Variants in ABHD1 observed in about 807,000 individuals in gnomAD.
The protein encoded by ABHD1 is abhydrolase domain containing 1.
A neutral mutation model predicts 41.4 loss-of-function variants in ABHD1; 47 were observed. That is an observed-to-expected ratio of 1.13 (90% CI 0.90 to 1.45). ABHD1 has a LOEUF of 1.45. Among genes scored for constraint, ABHD1 ranks in the 40% most tolerant of loss-of-function variants. ABHD1 has a pLI of 0.00. For synonymous variants in ABHD1, 205 were observed against 203.7 expected (o/e 1.01, Z -0.05); for missense variants, 550 against 503.4 (o/e 1.09, Z -0.89).
rs933746527 is a variant in ABHD1, at chr2:27,130,782, T to C, written c.*38T>C. 4.7e-5 allele frequency: 75 copies of C among 1,595,534 alleles called. No homozygotes were observed. Among genetic ancestry groups the C allele is most frequent in the Non-Finnish European group, 6.2e-5 (72 of 1,164,346 alleles). ...TTGGGGTCTCAGTTCACTCTTTCCT[T>C]GTTTATTAAATATCAACTTTTCCTG... On this transcript the variant is annotated 3_prime_UTR_variant, in exon 9 of 9. Coordinates refer to ENST00000316470, the MANE Select transcript of ABHD1 (RefSeq NM_032604.4).
At position 27,123,904 on chromosome 2, in the gene ABHD1, C is replaced by G. The variant is rs200272895; in HGVS notation, c.-45C>G. The G allele has an allele frequency of 6.9e-4, 1,081 of 1,567,834 alleles. 2 individuals carry two copies. Among genetic ancestry groups the G allele is most frequent in the Non-Finnish European group, 7.4e-4 (846 of 1,141,394 alleles). Reference sequence around the variant, plus strand: ...GGGACCGCGAGTTACAGCCGGCCAACTGGGGCCAGCCAGGAGCCTGAGGGT... The same window carrying G: ...GGGACCGCGAGTTACAGCCGGCCAAGTGGGGCCAGCCAGGAGCCTGAGGGT... On this transcript the variant is annotated 5_prime_UTR_variant, in exon 1 of 9. Transcript: ENST00000316470.
At chr2:27,130,458 G>A (rs1367798686) in intron 8 of ABHD1, 42 bp downstream of exon 8, 2 of 1,612,658 alleles carry the variant, frequency 1.2e-6, no homozygotes, top group East Asian at 2.2e-5. Flanking sequence ...CAAGGAAAAT[G>A]GGCCATGAGG....
chr2:27,129,036 C>G lies in ABHD1; in HGVS notation c.367C>G (p.Pro123Ala). ...CCAAGACCCTGATCCTACTACCCAG[C>G]CCATTGTGCTGCTGCTTCCTGGCAT... ...SSQDPDPTTQ[P>A]IVLLLPGITG... Residue 123 changes from proline (P) to alanine (A), a missense_variant, in exon 3 of 9, where the codon CCC becomes GCC. Pro to Ala is a conservative substitution (Grantham distance 27). Coordinates refer to ENST00000316470, the MANE Select transcript of ABHD1 (RefSeq NM_032604.4). The G allele has an allele frequency of 7.4e-6, 12 of 1,614,160 alleles. No individual in the cohort carries two copies. The highest frequency in any genetic ancestry group is 1.0e-5 in the Non-Finnish European group (12 of 1,180,026).
At position 27,130,738 on chromosome 2, in the gene ABHD1, C is replaced by T. The variant is rs763148217; in HGVS notation, c.1212C>T (p.Asn404=). 27 of 1,613,890 alleles carry T rather than the reference C, an allele frequency of 1.7e-5. No homozygotes were observed. The highest frequency in any genetic ancestry group is 9.3e-6 in the Non-Finnish European group (11 of 1,179,902). ...LRALLPSEDR[N]S ...CTCTCTTACCTTCTGAGGACAGAAACAGCTGACAAGAGTACCATTTGGGGT... is the reference window on the plus strand; with the variant it reads ...CTCTCTTACCTTCTGAGGACAGAAATAGCTGACAAGAGTACCATTTGGGGT... The change falls in exon 9 of 9, where the codon AAC becomes AAT. Residue 404 remains asparagine, a synonymous_variant. Transcript: ENST00000316470.
intron 6 of ABHD1, 39 bp from the exon 7 acceptor site, chr2:27,130,066 G>C: frequency 6.2e-7 from 1 of 1,613,850 alleles, no homozygotes; most frequent in South Asian, 1.1e-5. Flanking sequence ...TGGGGGATCA[G>C]ATCCAGGTGT....
At chr2:27,128,359 C>T (rs986799701) in intron 1 of ABHD1, 82 bp from the exon 2 acceptor site, 2 of 1,587,200 alleles carry the variant, frequency 1.3e-6, no homozygotes, top group Non-Finnish European at 1.7e-6. Flanking sequence ...GGAGAGGGGG[C>T]CCCCTCACCC....
rs556741673 is a variant in ABHD1, at chr2:27,129,518, A to G, written c.509A>G (p.His170Arg). 78 of 1,614,136 alleles carry G rather than the reference A, an allele frequency of 4.8e-5. No homozygotes were observed. In the South Asian group the frequency reaches 5.1e-4, roughly 10 times the overall value. ...RGCRGEELRT[H>R]RAFCASNTED... ...AATGATCTGGTTTGCCCTCAGACCC[A>G]CAGGGCTTTTTGTGCCAGCAATACT... The change falls in exon 5 of 9, where the codon CAC (histidine) becomes CGC (arginine). Residue 170 changes from histidine (H) to arginine (R), a missense_variant. Coordinates refer to ENST00000316470, the MANE Select transcript of ABHD1 (RefSeq NM_032604.4).
At chr2:27,127,479 G>A (rs1419659092) in intron 1 of ABHD1, among the ~76,000 whole-genome samples, 24 of 142,474 alleles carry the variant, frequency 1.7e-4, no homozygotes, top group Admixed American at 6.9e-5. Context: ...GCGTGAACCC[G>A]GGAGGTGGAG....
intron 1 of ABHD1, among the ~76,000 whole-genome samples, chr2:27,127,330 G>A (rs1316966763): frequency 2.1e-5 from 3 of 146,128 alleles, no homozygotes; most frequent in African/African-American, 2.5e-5. Context: ...CGAGGCGGGC[G>A]GATCATGAGG....
rs1558476423 is a variant in ABHD1, at chr2:27,130,310, C to T, written c.900C>T (p.Asp300=). The change falls in exon 8 of 9, where the codon GAC becomes GAT. Residue 300 remains aspartate, a synonymous_variant. Coordinates refer to ENST00000316470, the MANE Select transcript of ABHD1 (RefSeq NM_032604.4). ...RYTSVAFGYQ[D]CVTYYKAASP... is the part of the protein sequence containing the mutation. ...CATCTGTGGCCTTTGGATATCAAGACTGTGTTACCTACTACAAAGCAGCAA... is the reference window on the plus strand; with the variant it reads ...CATCTGTGGCCTTTGGATATCAAGATTGTGTTACCTACTACAAAGCAGCAA... 1.9e-6 allele frequency: 3 copies of T among 1,614,180 alleles called. No homozygotes were observed. In the South Asian group the frequency reaches 3.3e-5, roughly 18 times the overall value.
In ABHD1 at chr2:27,128,443, G is replaced by A; in HGVS notation, c.117G>A (p.Arg39=). 2 of 1,613,928 alleles carry A rather than the reference G, an allele frequency of 1.2e-6. No individual in the cohort carries two copies. The highest frequency in any genetic ancestry group is 2.2e-5 in the South Asian group (2 of 91,080). The change falls in exon 2 of 9, where the codon AGG becomes AGA. Residue 39 remains arginine (R), a splice_region_variant and synonymous_variant. Transcript: ENST00000316470. ...GGCAGACTGCTGTGTGATTACAGAG[G>A]CCTCGGCTGGTGGCTGGGCCGCAGT... ...LGYYWACVLQ[R]PRLVAGPQFL...
chr2:27,127,205 C>CAGTCTT (rs928601691), intron 1 of ABHD1, among the ~76,000 whole-genome samples: 1 of 144,146 alleles, frequency 6.9e-6, no homozygotes, highest in Non-Finnish European at 1.5e-5. Context: ...TGGCCAGAGT[C>CAGTCTT]AGTCTTAGGA....
chr2:27,128,983 T>C lies in ABHD1; in HGVS notation c.314T>C (p.Leu105Pro), dbSNP rs757800730. The C allele has an allele frequency of 5.6e-6, 9 of 1,614,044 alleles. No individual in the cohort carries two copies. Among genetic ancestry groups the C allele is most frequent in the Middle Eastern group, 1.6e-4 (1 of 6,080 alleles). Residue 105 changes from leucine to proline, a missense_variant, in exon 3 of 9, where the codon CTA (leucine) becomes CCA (proline). Coordinates refer to ENST00000316470, the MANE Select transcript of ABHD1 (RefSeq NM_032604.4). Reference sequence around the variant, plus strand: ...ACACCAGATGGAGGCCAGCTCCTGCTAGACTGGGCCAAGCAGCCTGACAGC... The same window carrying C: ...ACACCAGATGGAGGCCAGCTCCTGCCAGACTGGGCCAAGCAGCCTGACAGC... ...LQTPDGGQLLLDWAKQPDSSQ... is the reference protein window; with the variant it reads ...LQTPDGGQLLPDWAKQPDSSQ...
At chr2:27,128,401 A>T in intron 1 of ABHD1, 40 bp from the exon 2 acceptor site, 2 of 1,612,370 alleles carry the variant, frequency 1.2e-6, no homozygotes, top group Non-Finnish European at 1.7e-6. Context: ...AGCTTGGTGC[A>T]AAAGTCAGGG....
At chr2:27,129,669 T>G in intron 5 of ABHD1, 43 bp downstream of exon 5, 2 of 1,609,950 alleles carry the variant, frequency 1.2e-6, no homozygotes, top group South Asian at 1.1e-5. Flanking sequence ...AGTCTTCCTT[T>G]TTTTCCTCCT....
chr2:27,124,380 G>C (rs1671869160), intron 1 of ABHD1: 1 of 409,800 alleles, frequency 2.4e-6, no homozygotes, highest in Non-Finnish European at 4.8e-6. Flanking sequence ...TGGTTTAGCT[G>C]AGTCTTTCAG....
In ABHD1 at chr2:27,130,663, G is replaced by A. The variant is rs755020845; in HGVS notation, c.1137G>A (p.Gln379=). 1 of 1,614,216 alleles carries A rather than the reference G, an allele frequency of 6.2e-7. No individual in the cohort carries two copies. Among genetic ancestry groups the A allele is most frequent in the South Asian group, 1.1e-5 (1 of 91,092 alleles). ...QHWYMSRLLH[Q]YAKAIFQDPE... ...GGTACATGAGCCGCCTCTTGCATCA[G>A]TACGCCAAAGCCATCTTCCAGGACC... Residue 379 remains glutamine (Q), a synonymous_variant, in exon 9 of 9, where the codon CAG becomes CAA. Transcript: ENST00000316470.
chr2:27,130,031 G>C (rs1672160892), intron 6 of ABHD1, 74 bp from the exon 7 acceptor site: 5 of 1,610,892 alleles, frequency 3.1e-6, no homozygotes, highest in Admixed American at 1.7e-5. Flanking sequence ...CCTCACACAT[G>C]AGATAGTAAG....
Position 27,129,104 on chromosome 2 carries a change from C to T in ABHD1, c.435C>T (p.Asn145=). 1.2e-6 allele frequency: 2 copies of T among 1,613,422 alleles called. No homozygotes were observed. The highest frequency in any genetic ancestry group is 1.7e-6 in the Non-Finnish European group (2 of 1,179,912). ...SQETYVLHLV[N]QALRDGYQAV... ...AGACATACGTCTTGCACCTAGTTAA[C>T]CAAGCTCTGAGGGATGGCTACCAGT... The change falls in exon 3 of 9, where the codon AAC becomes AAT. Residue 145 remains asparagine (N), a synonymous_variant. Coordinates refer to ENST00000316470, the MANE Select transcript of ABHD1 (RefSeq NM_032604.4).
Sources: gnomAD v4.1 joint callset for allele counts (sites outside exome capture counted in the v4.1 genomes callset) on GRCh38, gnomAD v4.1.1 for gene constraint, MANE v1.5 for transcripts, NCBI Gene and HGNC (gene_info 2026-07-23, HGNC 2026-07-21) for gene names.